The following AGAP1 variants were observed in gnomAD, a reference collection of about 807,000 sequenced individuals.
AGAP1 encodes arf-GAP with GTPase, ANK repeat and PH domain-containing protein 1.
A neutral mutation model predicts 105.3 loss-of-function variants in AGAP1; 29 were observed. The ratio of observed to expected loss-of-function variants is 0.28; its 90% CI spans 0.21 to 0.38. The LOEUF (loss-of-function observed/expected upper bound fraction) is 0.38, where lower values mean the gene tolerates loss of function less well. AGAP1 is among the 10% of genes least tolerant of loss of function. The pLI is 1.00. For missense variants in AGAP1, 998 were observed against 1,165.1 expected (o/e 0.86, Z 2.09); for synonymous variants, 509 against 485.9 (o/e 1.05, Z -0.63).
At chr2:235,645,016 C>T (rs947856180) in intron 1 of AGAP1, among the ~76,000 whole-genome samples, 2 of 152,114 alleles carry the variant, frequency 1.3e-5, no homozygotes, top group Admixed American at 6.5e-5. Context: ...CTGCCTCAGC[C>T]TGCTGAGTAG....
chr2:235,863,189 A>G (rs1438252660), intron 9 of AGAP1, among the ~76,000 whole-genome samples: 1 of 152,230 alleles, frequency 6.6e-6, no homozygotes, highest in African/African-American at 2.4e-5. Flanking sequence ...CTCATGATGT[A>G]GCAACTAAGG....
At chr2:236,006,024 A>G (rs1200966280) in intron 13 of AGAP1, among the ~76,000 whole-genome samples, 1 of 152,048 alleles carries the variant, frequency 6.6e-6, no homozygotes, top group Non-Finnish European at 1.5e-5. Context: ...AATTTTTTAG[A>G]ATTCTTTTGC....
At chr2:235,806,659 T>C (rs1398340480) in intron 8 of AGAP1, among the ~76,000 whole-genome samples, 2 of 152,320 alleles carry the variant, frequency 1.3e-5, no homozygotes, top group African/African-American at 2.4e-5. Flanking sequence ...GGGTTTTTTT[T>C]CCCCTTCATT....
Position 235,578,071 on chromosome 2 carries a change from T to G in AGAP1, c.163+83222T>G, listed in dbSNP as rs1433843456. Among the ~76,000 whole-genome samples, 2 of 152,046 alleles carry G rather than the reference T, an allele frequency of 1.3e-5. No homozygotes were observed. The highest frequency in any genetic ancestry group is 4.1e-4 in the South Asian group (2 of 4,828). On this transcript the variant is annotated intron_variant, in intron 1 of 17. Transcript: ENST00000304032. The surrounding 1 kb of genome is among the most constrained non-coding windows in gnomAD (Gnocchi z 4.9). Reference sequence around the variant, plus strand: ...GTACCACTGTTATCCTGCCTGCTGGTCTGAGGGTCCGAGCGTGATTGGGAG... The same window carrying G: ...GTACCACTGTTATCCTGCCTGCTGGGCTGAGGGTCCGAGCGTGATTGGGAG...
rs372082115 is a variant in AGAP1, at chr2:236,120,477, G to A, written c.2370+30G>A. The A allele has an allele frequency of 3.5e-5, 56 of 1,609,630 alleles. No individual in the cohort carries two copies. The highest frequency in any genetic ancestry group is 1.8e-4 in the South Asian group (16 of 90,800). ...GTGGTCGGCACGCCTGGCAGAGGACGGGGCCACAGGAGGCACTCTCTGCTT... is the reference window on the plus strand; with the variant it reads ...GTGGTCGGCACGCCTGGCAGAGGACAGGGCCACAGGAGGCACTCTCTGCTT... On this transcript the variant is annotated intron_variant, in intron 17 of 17. Transcript: ENST00000304032. This position sits in a 1 kb window ranked among gnomAD's most constrained non-coding sequence, Gnocchi z 6.0.
rs1553614591 is a variant in AGAP1, at chr2:235,723,802, GTCGA to G, written c.310+6163_310+6166del. 7.2e-5 allele frequency among the ~76,000 whole-genome samples: 11 copies of G among 151,790 alleles called. No individual in the cohort carries two copies. Among genetic ancestry groups the G allele is most frequent in the African/African-American group, 2.7e-4 (11 of 41,146 alleles). On this transcript the variant is annotated intron_variant, in intron 3 of 17. Coordinates refer to ENST00000304032, the MANE Select transcript of AGAP1 (RefSeq NM_001037131.3). The surrounding 1 kb of genome is among the most constrained non-coding windows in gnomAD (Gnocchi z 6.2). ...GGTTGGTTGGTTGGTTGGTTGGTTGGTCGATCGACAGAGACTTAAGAATGTTCAT... is the reference window on the plus strand; with the variant it reads ...GGTTGGTTGGTTGGTTGGTTGGTTGGTCGACAGAGACTTAAGAATGTTCAT...
In AGAP1 at chr2:235,958,314, G is replaced by T. The variant is rs1353510214; in HGVS notation, c.1484-10148G>T. On this transcript the variant is annotated intron_variant, in intron 12 of 17. Transcript: ENST00000304032. This position sits in a 1 kb window ranked among gnomAD's most constrained non-coding sequence, Gnocchi z 4.1. Reference sequence around the variant, plus strand: ...CAGGCTCCAGGGTCAGGGAAGATCTGACCCGGGAGAGGATTAGGGCCCTGC... The same window carrying T: ...CAGGCTCCAGGGTCAGGGAAGATCTTACCCGGGAGAGGATTAGGGCCCTGC... 1.3e-5 allele frequency among the ~76,000 whole-genome samples: 2 copies of T among 152,038 alleles called. No homozygotes were observed. The highest frequency in any genetic ancestry group is 4.8e-5 in the African/African-American group (2 of 41,404).
chr2:235,731,793 T>C (rs190235145), intron 3 of AGAP1, among the ~76,000 whole-genome samples: 1 of 152,238 alleles, frequency 6.6e-6, no homozygotes, highest in East Asian at 1.9e-4. Context: ...CTATTCAGGG[T>C]CACACAGCCT....
chr2:235,709,321 C>T (rs1950710539), intron 2 of AGAP1, 84 bp downstream of exon 2: 1 of 1,456,564 alleles, frequency 6.9e-7, no homozygotes, highest in East Asian at 2.3e-5. Flanking sequence ...GGCAACTGGT[C>T]ATCGCCTGGG....
rs1308846825 is a variant in AGAP1 at position 236,124,095 on chromosome 2, C to T, written c.2547C>T (p.Ser849=). ...LSRRNNNRNN[S]SGRVPTII is the part of the protein sequence containing the mutation. ...GGAGAAACAATAACCGGAACAACAGCAGTGGGAGGGTGCCCACCATCATCT... is the reference window on the plus strand; with the variant it reads ...GGAGAAACAATAACCGGAACAACAGTAGTGGGAGGGTGCCCACCATCATCT... The change falls in exon 18 of 18, where the codon AGC becomes AGT. Residue 849 remains serine (S), a synonymous_variant. Coordinates refer to ENST00000304032, the MANE Select transcript of AGAP1 (RefSeq NM_001037131.3). The surrounding 1 kb of genome is among the most constrained non-coding windows in gnomAD (Gnocchi z 5.1). 6.2e-7 allele frequency: 1 copy of T among 1,613,992 alleles called. No homozygotes were observed. The highest frequency in any genetic ancestry group is 1.3e-5 in the African/African-American group (1 of 74,938).
At chr2:235,863,765 G>A (rs1000670300) in intron 9 of AGAP1, among the ~76,000 whole-genome samples, 3 of 152,232 alleles carry the variant, frequency 2.0e-5, no homozygotes, top group Non-Finnish European at 2.9e-5. Flanking sequence ...GGCTGAGGAT[G>A]TGCCACCTGT....
chr2:235,511,956 G>A (rs1415329655), intron 1 of AGAP1, among the ~76,000 whole-genome samples: 7 of 151,628 alleles, frequency 4.6e-5, no homozygotes, highest in Non-Finnish European at 8.8e-5. Flanking sequence ...GTGTGAATGT[G>A]TGTGTAAAGG....
chr2:235,849,744 AG>A (rs1961952932), intron 9 of AGAP1, among the ~76,000 whole-genome samples: 1 of 152,144 alleles, frequency 6.6e-6, no homozygotes, highest in African/African-American at 2.4e-5. Flanking sequence ...CGCTAGGGCA[AG>A]CCCTCACTTC....
chr2:235,713,633 G>T (rs1950957015), intron 2 of AGAP1, among the ~76,000 whole-genome samples: 1 of 152,254 alleles, frequency 6.6e-6, no homozygotes, highest in Non-Finnish European at 1.5e-5. Context: ...TCCCTTGTGA[G>T]ATATCCTTGG....
At chr2:235,570,393 A>G (rs115271799) in intron 1 of AGAP1, among the ~76,000 whole-genome samples, 3,090 of 152,338 alleles carry the variant, frequency 0.02, 108 homozygotes, top group African/African-American at 0.07. Flanking sequence ...GCCAAAAGGA[A>G]TGTTAAAGCC....
chr2:236,116,384 C>G (rs1445109939), intron 16 of AGAP1, among the ~76,000 whole-genome samples: 2 of 104,722 alleles, frequency 1.9e-5, no homozygotes, highest in South Asian at 3.4e-4. Context: ...GAGTTTTGCT[C>G]TGTCGCCCAC....
At chr2:235,677,352 T>C (rs552416395) in intron 1 of AGAP1, among the ~76,000 whole-genome samples, 24 of 152,340 alleles carry the variant, frequency 1.6e-4, no homozygotes, top group Non-Finnish European at 2.9e-4. Flanking sequence ...TACCAGGGTG[T>C]ACCAGTGAGA....
intron 12 of AGAP1, among the ~76,000 whole-genome samples, chr2:235,933,347 C>T (rs562378689): frequency 7.2e-5 from 11 of 152,076 alleles, no homozygotes; most frequent in African/African-American, 2.7e-4. Flanking sequence ...AGTTGGGGTG[C>T]AGAAAAATGA....
intron 16 of AGAP1, among the ~76,000 whole-genome samples, chr2:236,118,949 G>A (rs3768921): frequency 0.37 from 56,381 of 151,794 alleles, 11,205 homozygotes; most frequent in Middle Eastern, 0.52. Flanking sequence ...GGAGCTGCTC[G>A]CCTGGGGTCC....
Sources: allele counts gnomAD v4.1 joint callset (sites outside exome capture counted in the v4.1 genomes callset), GRCh38; gene constraint gnomAD v4.1.1; non-coding constraint Gnocchi (gnomAD v3.1); transcripts MANE v1.5; gene names NCBI Gene and HGNC (gene_info 2026-07-23, HGNC 2026-07-21).